The following RNF24 variants were observed in gnomAD, a reference collection of about 807,000 sequenced individuals.
RNF24 encodes the protein ring finger protein 24.
A neutral mutation model predicts 20.0 loss-of-function variants in RNF24; 14 were observed. That is an observed-to-expected ratio of 0.70 (90% CI 0.46 to 1.10). RNF24 has a LOEUF of 1.10. Ranked by LOEUF, RNF24 falls within the 50% of genes least tolerant of loss-of-function variation. The probability of loss-of-function intolerance (pLI) is 0.00; values close to 1 mark genes in which losing one functional copy is unlikely to be tolerated. For missense variants in RNF24, 124 were observed against 177.6 expected (o/e 0.70, Z 1.71); for synonymous variants, 45 against 61.1 (o/e 0.74, Z 1.23).
chr20:3,932,619 C>A lies in RNF24; in HGVS notation c.*1444G>T. 3.6e-6 allele frequency: 1 copy of A among 276,584 alleles called. No individual in the cohort carries two copies. The highest frequency in any genetic ancestry group is 6.7e-6 in the Non-Finnish European group (1 of 149,966). 17.1% of individuals were successfully genotyped at this position (276,584 alleles called of 1,614,324 possible). ...GCAGAGTAGCAAAGCTCCCTCCATC[C>A]ATTCTCCATGTCACGCAGACTGTAT... is the stretch of plus-strand genomic sequence containing the variant. On this transcript the variant is annotated 3_prime_UTR_variant, in exon 6 of 6. Coordinates refer to ENST00000358395, the MANE Select transcript of RNF24 (RefSeq NM_001134337.3).
intron 4 of RNF24, among the ~76,000 whole-genome samples, chr20:3,937,636 C>CA (rs770073638): frequency 4.6e-5 from 7 of 151,232 alleles, no homozygotes; most frequent in Non-Finnish European, 7.4e-5. Context: ...CTCTGGCAAC[C>CA]AACCACTAAT....
chr20:3,951,830 T>C (rs2091085152), intron 2 of RNF24, among the ~76,000 whole-genome samples: 1 of 152,212 alleles, frequency 6.6e-6, no homozygotes, highest in Admixed American at 6.5e-5. Context: ...TCTTGTGTTC[T>C]TTCAACAAGC....
In RNF24 at chr20:3,943,938, C is replaced by T. The variant is rs529799044; in HGVS notation, c.228+1239G>A. On this transcript the variant is annotated intron_variant, in intron 4 of 5. Coordinates refer to ENST00000358395, the MANE Select transcript of RNF24 (RefSeq NM_001134337.3). The stretch of plus-strand genomic sequence containing the variant: ...AAAAAATCAAACAGTGGCCGGCTGC[C>T]GTGGCTCACGCTTGTAATCCCAGCA... 1.4e-4 allele frequency among the ~76,000 whole-genome samples: 22 copies of T among 152,082 alleles called. 1 individual carries two copies. In the East Asian group the frequency reaches 2.7e-3, roughly 19 times the overall value.
At chr20:3,984,071 C>G (rs995380945) in intron 1 of RNF24, among the ~76,000 whole-genome samples, 1 of 150,636 alleles carries the variant, frequency 6.6e-6, no homozygotes, top group African/African-American at 2.4e-5. Flanking sequence ...CCAGGCTGAG[C>G]AATATAGCAA....
chr20:3,975,087 C>T (rs1001891212), intron 1 of RNF24, among the ~76,000 whole-genome samples: 2 of 152,102 alleles, frequency 1.3e-5, no homozygotes, highest in African/African-American at 4.8e-5. Context: ...AAATGAAGAA[C>T]CCAGAAATAG....
intron 1 of RNF24, among the ~76,000 whole-genome samples, chr20:3,995,756 C>T (rs1310847986): frequency 6.6e-6 from 1 of 151,620 alleles, no homozygotes; most frequent in Non-Finnish European, 1.5e-5. Context: ...TTTAGGCAGC[C>T]AATGGAACAA....
At chr20:3,954,709 C>G (rs1272607572) in intron 2 of RNF24, among the ~76,000 whole-genome samples, 3 of 151,798 alleles carry the variant, frequency 2.0e-5, no homozygotes, top group Non-Finnish European at 4.4e-5. Flanking sequence ...TCAAGTCTGG[C>G]CAACATAGTG....
chr20:3,982,347 G>C (rs1287498630), intron 1 of RNF24, among the ~76,000 whole-genome samples: 1 of 151,712 alleles, frequency 6.6e-6, no homozygotes, highest in Non-Finnish European at 1.5e-5. Context: ...GGAGGCCGAG[G>C]CGGGCAGATC....
At chr20:3,945,149 CAA>C (rs1568619308) in intron 4 of RNF24, 26 bp downstream of exon 4, 6 of 1,594,634 alleles carry the variant, frequency 3.8e-6, no homozygotes, top group Non-Finnish European at 8.5e-7. Context: ...GAAAATGGCT[CAA>C]GAGGATTTAC....
At chr20:3,995,743 G>A (rs1449099819) in intron 1 of RNF24, among the ~76,000 whole-genome samples, 1 of 152,028 alleles carries the variant, frequency 6.6e-6, no homozygotes, top group African/African-American at 2.4e-5. Context: ...TCTTTAAAAT[G>A]ATTTTAGGCA....
rs377227990 is a variant in RNF24, at chr20:4,003,633, C to CTTTT, written c.-8+11800_-8+11803dup. 5.9e-3 allele frequency among the ~76,000 whole-genome samples: 502 copies of CTTTT among 84,420 alleles called. 96 individuals are homozygous for CTTTT. Among genetic ancestry groups the CTTTT allele is most frequent in the African/African-American group, 0.017 (353 of 20,820 alleles). 55.4% of individuals were successfully genotyped at this position (84,420 alleles called of 152,430 possible). A position where few individuals can be genotyped will look rare whatever the true frequency, so the allele number is the denominator to read the frequency against. On this transcript the variant is annotated intron_variant, in intron 1 of 5. Coordinates refer to ENST00000358395, the MANE Select transcript of RNF24 (RefSeq NM_001134337.3). ...TTTTGAAGGCCCATGTTAGAAACTC[C>CTTTT]TTTTTTTTTTTTTTTTTTTTTTTTT...
chr20:3,998,212 G>A (rs945898668), intron 1 of RNF24, among the ~76,000 whole-genome samples: 9 of 151,684 alleles, frequency 5.9e-5, no homozygotes, highest in Admixed American at 2.6e-4. Context: ...AGGCCAAGGC[G>A]GGCGGATCAC....
chr20:3,997,695 G>T (rs1981001667), intron 1 of RNF24, among the ~76,000 whole-genome samples: 1 of 152,046 alleles, frequency 6.6e-6, no homozygotes, highest in African/African-American at 2.4e-5. Flanking sequence ...CAAAGTGTTG[G>T]GGCTACGGAT....
intron 2 of RNF24, among the ~76,000 whole-genome samples, chr20:3,952,446 A>AG (rs1382371580): frequency 6.6e-6 from 1 of 152,134 alleles, no homozygotes; most frequent in African/African-American, 2.4e-5. Context: ...AATTCTAAAT[A>AG]GTTTCTCTGT....
chr20:3,937,707 A>G (rs1254434376), intron 4 of RNF24, among the ~76,000 whole-genome samples: 1 of 152,152 alleles, frequency 6.6e-6, no homozygotes, highest in Non-Finnish European at 1.5e-5. Context: ...GAACCATACA[A>G]TATGTAATAT....
At chr20:3,947,643 G>A (rs1240088982) in intron 3 of RNF24, among the ~76,000 whole-genome samples, 1 of 152,202 alleles carries the variant, frequency 6.6e-6, no homozygotes, top group African/African-American at 2.4e-5. Context: ...TAAGTCGACA[G>A]TAACTTTAAG....
At chr20:3,982,297 G>T (rs919013481) in intron 1 of RNF24, among the ~76,000 whole-genome samples, 6 of 152,018 alleles carry the variant, frequency 3.9e-5, no homozygotes, top group African/African-American at 1.4e-4. Context: ...GAGGTAGAGG[G>T]TTGGGCGCAG....
Position 3,931,899 on chromosome 20 carries a change from A to C in RNF24, c.*2164T>G, listed in dbSNP as rs2090828528. ...CCCCCTCAACATGCCTGTGGCTCTG[A>C]CACGGGGGGATGAATTAACTTGCCT... On this transcript the variant is annotated 3_prime_UTR_variant, in exon 6 of 6. Coordinates refer to ENST00000358395, the MANE Select transcript of RNF24 (RefSeq NM_001134337.3). 6.6e-6 allele frequency: 1 copy of C among 152,196 alleles called. No individual in the cohort carries two copies. Among genetic ancestry groups the C allele is most frequent in the African/African-American group, 2.4e-5 (1 of 41,450 alleles). The allele number at this position is 152,196 out of a possible 1,614,324, so 9.4% of individuals were successfully genotyped here. A position where few individuals can be genotyped will look rare whatever the true frequency, so the allele number is the denominator to read the frequency against.
At chr20:3,953,126 G>A (rs1487421555) in intron 2 of RNF24, among the ~76,000 whole-genome samples, 1 of 152,042 alleles carries the variant, frequency 6.6e-6, no homozygotes, top group Non-Finnish European at 1.5e-5. Context: ...ATATCATTGT[G>A]GGAATGTTTT....
Sources: gnomAD v4.1 joint callset for allele counts (sites outside exome capture counted in the v4.1 genomes callset) on GRCh38, gnomAD v4.1.1 for gene constraint, MANE v1.5 for transcripts, NCBI Gene and HGNC (gene_info 2026-07-23, HGNC 2026-07-21) for gene names.